LOXL2: variants seen among roughly 807,000 people sequenced by gnomAD.
LOXL2 encodes lysyl oxidase homolog 2.
In LOXL2, 70 loss-of-function variants were observed where a neutral mutation model predicts 93.0. That is an observed-to-expected ratio of 0.75 (90% CI 0.62 to 0.92). The LOEUF (loss-of-function observed/expected upper bound fraction) is 0.92, where lower values mean the gene tolerates loss of function less well. Ranked by LOEUF, LOXL2 falls within the 40% of genes least tolerant of loss-of-function variation. LOXL2 has a pLI of 0.00. For synonymous variants in LOXL2, 438 were observed against 413.2 expected, an observed-to-expected ratio of 1.06 and a Z score of -0.73; for missense variants, 973 against 1,054.9, an observed-to-expected ratio of 0.92 and a Z score of 1.08.
intron 1 of LOXL2, among the ~76,000 whole-genome samples, chr8:23,401,846 G>C (rs1312605436): frequency 6.6e-6 from 1 of 152,204 alleles, no homozygotes; most frequent in East Asian, 1.9e-4. Flanking sequence ...TCTCCTATCT[G>C]TGATACTTAA....
At chr8:23,305,255 G>A (rs866457278) in intron 10 of LOXL2, among the ~76,000 whole-genome samples, 1 of 152,198 alleles carries the variant, frequency 6.6e-6, no homozygotes, top group Non-Finnish European at 1.5e-5. Flanking sequence ...GAATTCAGAC[G>A]GAGCGCACAG....
chr8:23,386,912 G>A (rs1462384564), intron 1 of LOXL2, among the ~76,000 whole-genome samples: 1 of 152,172 alleles, frequency 6.6e-6, no homozygotes, highest in African/African-American at 2.4e-5. Flanking sequence ...GCCTCCCAAG[G>A]TGCTGGGATT....
chr8:23,383,688 T>A (rs1350455974), intron 1 of LOXL2, among the ~76,000 whole-genome samples: 1 of 134,240 alleles, frequency 7.4e-6, no homozygotes. Context: ...TGAGACAGAG[T>A]CTTGCTCTGT....
rs1804021838 is a variant in LOXL2, at chr8:23,348,000, T to C, written c.532-6797A>G. Among the ~76,000 whole-genome samples the C allele has an allele frequency of 2.0e-5, 3 of 152,040 alleles. No individual in the cohort carries two copies. The South Asian group carries it at 6.2e-4, about 32-fold the overall frequency. On this transcript the variant is annotated intron_variant, in intron 3 of 13. Coordinates refer to ENST00000389131, the MANE Select transcript of LOXL2 (RefSeq NM_002318.3). ...CTGGATTAAGAAAATGTGGCACATATACCCTAGAACTTAAAGTATAATTAA... is the reference window on the plus strand; with the variant it reads ...CTGGATTAAGAAAATGTGGCACATACACCCTAGAACTTAAAGTATAATTAA...
At chr8:23,326,452 G>A (rs539201881) in intron 6 of LOXL2, among the ~76,000 whole-genome samples, 2 of 152,226 alleles carry the variant, frequency 1.3e-5, no homozygotes, top group East Asian at 3.9e-4. Flanking sequence ...ATGACTGCAG[G>A]GATAGTCAAG....
At chr8:23,365,052 C>T (rs1804376182) in intron 2 of LOXL2, 1 of 152,184 alleles carries the variant, frequency 6.6e-6, no homozygotes, top group South Asian at 2.1e-4. Flanking sequence ...TCCAGAACTC[C>T]CTAAAAGGGC....
chr8:23,392,727 C>G (rs549794293), intron 1 of LOXL2, among the ~76,000 whole-genome samples: 1 of 152,270 alleles, frequency 6.6e-6, no homozygotes, highest in South Asian at 2.1e-4. Flanking sequence ...TGCCCTTGGA[C>G]TTGCCATTTC....
chr8:23,397,842 T>C (rs1209384752), intron 1 of LOXL2, among the ~76,000 whole-genome samples: 1 of 148,096 alleles, frequency 6.8e-6, no homozygotes, highest in Non-Finnish European at 1.5e-5. Context: ...ATGCCTGTAA[T>C]CCCAGCTACT....
intron 1 of LOXL2, among the ~76,000 whole-genome samples, chr8:23,389,632 A>G (rs28526251): frequency 0.23 from 34,720 of 152,158 alleles, 4,186 homozygotes; most frequent in African/African-American, 0.27. Flanking sequence ...AGGGGAAAAC[A>G]CATTGTAAAA....
chr8:23,348,128 C>T (rs1804023919), intron 3 of LOXL2, among the ~76,000 whole-genome samples: 1 of 151,992 alleles, frequency 6.6e-6, no homozygotes, highest in Non-Finnish European at 1.5e-5. Context: ...AAGCTGGAAA[C>T]CATCATTCTG....
intron 1 of LOXL2, among the ~76,000 whole-genome samples, chr8:23,382,779 G>C (rs922058545): frequency 3.3e-5 from 5 of 152,136 alleles, no homozygotes; most frequent in Admixed American, 2.6e-4. Flanking sequence ...CAGTGGTCCT[G>C]GTCCTGATTC....
At chr8:23,323,378 C>T (rs537599840) in intron 6 of LOXL2, among the ~76,000 whole-genome samples, 1 of 152,338 alleles carries the variant, frequency 6.6e-6, no homozygotes, top group South Asian at 2.1e-4. Context: ...CGCCCACGCT[C>T]TCCTCCCTCT....
chr8:23,380,938 G>C (rs1804673027), intron 1 of LOXL2, among the ~76,000 whole-genome samples: 1 of 152,052 alleles, frequency 6.6e-6, no homozygotes, highest in Non-Finnish European at 1.5e-5. Flanking sequence ...GCTTGAACCT[G>C]GGAGGCGGAG....
intron 1 of LOXL2, among the ~76,000 whole-genome samples, chr8:23,403,141 G>A (rs1286764734): frequency 6.6e-6 from 1 of 152,158 alleles, no homozygotes; most frequent in Non-Finnish European, 1.5e-5. Context: ...GAAGGGGCGC[G>A]GTGGGCAAAG....
intron 12 of LOXL2, among the ~76,000 whole-genome samples, chr8:23,299,521 C>T (rs554361942): frequency 3.9e-5 from 6 of 152,308 alleles, no homozygotes; most frequent in East Asian, 3.9e-4. Flanking sequence ...CCCATCCTTC[C>T]ACCCACCCCT....
At chr8:23,324,579 C>T (rs1478182563) in intron 6 of LOXL2, among the ~76,000 whole-genome samples, 3 of 152,186 alleles carry the variant, frequency 2.0e-5, no homozygotes, top group African/African-American at 4.8e-5. Flanking sequence ...CTGCAGCTGT[C>T]ACCTACTCCT....
chr8:23,377,339 T>C (rs552491827), intron 1 of LOXL2, among the ~76,000 whole-genome samples: 3 of 152,324 alleles, frequency 2.0e-5, no homozygotes, highest in African/African-American at 7.2e-5. Flanking sequence ...TCACATTCAC[T>C]GAGGAGTGCT....
rs17089055 is a variant in LOXL2, at chr8:23,310,341, G to C, written c.1637-430C>G. ...ACGATGTGATTGTGCTACCCAGAGA[G>C]AAAGAACACCTCTAATACCTTGGTC... On this transcript the variant is annotated intron_variant, in intron 9 of 13. Coordinates refer to ENST00000389131, the MANE Select transcript of LOXL2 (RefSeq NM_002318.3). Among the ~76,000 whole-genome samples, 1,392 of 152,316 alleles carry C rather than the reference G, an allele frequency of 9.1e-3. 83 individuals are homozygous for C. The East Asian group carries it at 0.16, about 17-fold the overall frequency.
At chr8:23,346,182 TAATA>T (rs1803980100) in intron 3 of LOXL2, among the ~76,000 whole-genome samples, 5 of 100,508 alleles carry the variant, frequency 5.0e-5, no homozygotes, top group African/African-American at 1.9e-4. Flanking sequence ...ATAAATAAAA[TAATA>T]AAATAAAATA....
Sources: gnomAD v4.1 joint callset for allele counts (sites outside exome capture counted in the v4.1 genomes callset) on GRCh38, gnomAD v4.1.1 for gene constraint, MANE v1.5 for transcripts, NCBI Gene and HGNC (gene_info 2026-07-23, HGNC 2026-07-21) for gene names.